Variants in FBXL13 observed in about 807,000 individuals in gnomAD.
FBXL13 encodes F-box and leucine rich repeat protein 13, also known as F-box and leucine-rich repeat protein 13.
A neutral mutation model predicts 83.6 loss-of-function variants in FBXL13; 67 were observed. The observed-to-expected ratio is 0.80, with a 90% confidence interval of 0.66 to 0.98. FBXL13 has a LOEUF of 0.98. Ranked by LOEUF, FBXL13 falls within the 50% of genes least tolerant of loss-of-function variation. The pLI, the probability that FBXL13 is intolerant of heterozygous loss-of-function variation, is 0.00. For synonymous variants in FBXL13, 272 were observed against 299.5 expected (o/e 0.91, Z 0.95); for missense variants, 822 against 866.5 (o/e 0.95, Z 0.64).
At chr7:103,027,460 C>G (rs1402771128) in exon 5 of FBXL13, 1 of 1,608,902 alleles carries the variant, frequency 6.2e-7, no homozygotes, top group Non-Finnish European at 8.5e-7. Flanking sequence ...AGCTCATCTT[C>G]TTTCTTTTTA....
At chr7:103,006,680 C>A (rs1325688555) in intron 6 of FBXL13, among the ~76,000 whole-genome samples, 1 of 151,972 alleles carries the variant, frequency 6.6e-6, no homozygotes, top group African/African-American at 2.4e-5. Context: ...AACAATATAA[C>A]CTATAAGATT....
chr7:102,831,476 G>C lies in FBXL13; in HGVS notation c.1854+1364C>G, dbSNP rs1179544421. ...CTTGTCCAAAATATGAATAGTGTCA[G>C]GGATGAAGAACCAGAATTTAGGAAA... On this transcript the variant is annotated intron_variant, in intron 18 of 19. Coordinates refer to ENST00000313221, the Ensembl canonical transcript of FBXL13. 2.0e-5 allele frequency among the ~76,000 whole-genome samples: 3 copies of C among 152,040 alleles called. No homozygotes were observed. The East Asian group carries it at 5.8e-4, about 29-fold the overall frequency.
In FBXL13 at chr7:103,060,047, T is replaced by TACAC. The variant is rs1563286524; in HGVS notation, c.-104-4301_-104-4300insGTGT. On this transcript the variant is annotated intron_variant, in intron 1 of 19. Coordinates refer to ENST00000313221, the Ensembl canonical transcript of FBXL13. ...ATATATATATATATATATATATATATATATATATATATATATACTTTTTTT... is the reference window on the plus strand; with the variant it reads ...ATATATATATATATATATATATATATACACATATATATATATATATACTTTTTTT... Among the ~76,000 whole-genome samples the TACAC allele has an allele frequency of 6.9e-4, 71 of 103,156 alleles. 1 individual carries two copies. The highest frequency in any genetic ancestry group is 2.9e-3 in the African/African-American group (69 of 23,980). The allele number at this position is 103,156 out of a possible 152,430, so 67.7% of individuals were successfully genotyped here.
At chr7:103,023,397 TCAA>T (rs1031967519) in intron 6 of FBXL13, among the ~76,000 whole-genome samples, 1 of 152,136 alleles carries the variant, frequency 6.6e-6, no homozygotes, top group Non-Finnish European at 1.5e-5. Flanking sequence ...GAAAAAATGC[TCAA>T]CATCACTAAT....
chr7:102,934,565 G>C, intron 8 of FBXL13: 2 of 1,610,948 alleles, frequency 1.2e-6, no homozygotes, highest in Non-Finnish European at 1.7e-6. Context: ...AGAAGAAAAG[G>C]AACAATTGGA....
intron 16 of FBXL13, among the ~76,000 whole-genome samples, chr7:102,867,695 A>ATATATATAT (rs1239781180): frequency 2.0e-5 from 1 of 49,078 alleles, no homozygotes; most frequent in African/African-American, 1.2e-4. Flanking sequence ...ATATATATAT[A>ATATATATAT]TTTTTTTTTT....
At chr7:103,052,336 A>C (rs145083567) in intron 2 of FBXL13, among the ~76,000 whole-genome samples, 2,197 of 152,162 alleles carry the variant, frequency 0.014, 20 homozygotes, top group Middle Eastern at 0.031. Context: ...CAATTCTCCT[A>C]CCTCAGCCTC....
intron 16 of FBXL13, among the ~76,000 whole-genome samples, chr7:102,860,282 G>C (rs1468282843): frequency 6.6e-6 from 1 of 152,196 alleles, no homozygotes; most frequent in Non-Finnish European, 1.5e-5. Flanking sequence ...GAGAGCTATA[G>C]GGACCACACA....
At chr7:103,027,136 C>A (rs189687203) in intron 5 of FBXL13, among the ~76,000 whole-genome samples, 1,668 of 151,800 alleles carry the variant, frequency 0.011, 34 homozygotes, top group African/African-American at 0.039. Context: ...TCTACTAAAA[C>A]TACAAAAAAA....
intron 7 of FBXL13, among the ~76,000 whole-genome samples, chr7:102,966,572 C>T (rs897295521): frequency 4.6e-5 from 7 of 152,128 alleles, no homozygotes; most frequent in Non-Finnish European, 1.0e-4. Context: ...AAAGCCAACA[C>T]GTCTGCCCAG....
chr7:102,905,850 C>T (rs1813663833), intron 11 of FBXL13, among the ~76,000 whole-genome samples: 1 of 152,030 alleles, frequency 6.6e-6, no homozygotes, highest in Non-Finnish European at 1.5e-5. Context: ...ATTGTTTTAA[C>T]CTGATAACAA....
intron 16 of FBXL13, among the ~76,000 whole-genome samples, chr7:102,870,506 T>G (rs1286958011): frequency 6.6e-6 from 1 of 152,228 alleles, no homozygotes; most frequent in Non-Finnish European, 1.5e-5. Flanking sequence ...GATGCTTTTT[T>G]GTCATTATCA....
intron 10 of FBXL13, among the ~76,000 whole-genome samples, chr7:102,916,256 G>C (rs1398803866): frequency 1.3e-5 from 2 of 151,974 alleles, no homozygotes; most frequent in African/African-American, 4.8e-5. Flanking sequence ...CAAAGTGCTG[G>C]GATTATAGGC....
At chr7:102,854,753 A>G (rs763562843) in intron 17 of FBXL13, 24 bp downstream of exon 18, 2 of 1,382,008 alleles carry the variant, frequency 1.4e-6, no homozygotes, top group African/African-American at 2.9e-5. Context: ...TTAATTCTTT[A>G]ACAGATGATC....
intron 14 of FBXL13, among the ~76,000 whole-genome samples, chr7:102,879,247 C>A (rs1809665620): frequency 6.6e-6 from 1 of 152,152 alleles, no homozygotes; most frequent in South Asian, 2.1e-4. Flanking sequence ...ACACTGGGAG[C>A]AAAACATACT....
chr7:102,966,768 C>T (rs1258160408), intron 7 of FBXL13, among the ~76,000 whole-genome samples: 2 of 152,192 alleles, frequency 1.3e-5, no homozygotes, highest in Non-Finnish European at 2.9e-5. Flanking sequence ...GCATTTTTAG[C>T]ACAAACAATA....
chr7:102,866,742 A>G (rs1807709925), intron 16 of FBXL13, among the ~76,000 whole-genome samples: 1 of 152,178 alleles, frequency 6.6e-6, no homozygotes, highest in African/African-American at 2.4e-5. Flanking sequence ...CATAGCTGAG[A>G]CAATGTGGAA....
intron 10 of FBXL13, among the ~76,000 whole-genome samples, chr7:102,916,859 G>C (rs1815985932): frequency 6.6e-6 from 1 of 151,562 alleles, no homozygotes; most frequent in African/African-American, 2.4e-5. Context: ...ATAATCTTTA[G>C]AGAAATTACA....
At chr7:102,935,242 C>CTTTTTTTTTT (rs71106700) in intron 8 of FBXL13, among the ~76,000 whole-genome samples, 1 of 76,400 alleles carries the variant, frequency 1.3e-5, no homozygotes. Context: ...TTTTTTCTTT[C>CTTTTTTTTTT]TTTTTTTTTT....
Sources: allele counts gnomAD v4.1 joint callset (sites outside exome capture counted in the v4.1 genomes callset), GRCh38; gene constraint gnomAD v4.1.1; transcripts MANE v1.5; gene names NCBI Gene and HGNC (gene_info 2026-07-23, HGNC 2026-07-21).